SHLD2: variants seen among roughly 807,000 people sequenced by gnomAD.
SHLD2 encodes RINN1-REV7-interacting novel NHEJ regulator 2.
A neutral mutation model predicts 73.2 loss-of-function variants in SHLD2; 30 were observed. The ratio of observed to expected loss-of-function variants is 0.41; its 90% CI spans 0.31 to 0.56. The LOEUF is 0.56. Among genes scored for constraint, SHLD2 ranks in the 20% least tolerant of loss-of-function variants. The pLI, the probability that SHLD2 is intolerant of heterozygous loss-of-function variation, is 0.28. For synonymous variants in SHLD2, 285 were observed against 370.1 expected (o/e 0.77, Z 2.64); for missense variants, 745 against 1,055.9 (o/e 0.71, Z 4.08).
At chr10:87,113,500 G>A (rs777053347) in intron 2 of SHLD2, among the ~76,000 whole-genome samples, 15 of 152,168 alleles carry the variant, frequency 9.9e-5, no homozygotes, top group Non-Finnish European at 1.9e-4. Context: ...TATATGAAAT[G>A]TTTAGAACAG....
Position 87,152,692 on chromosome 10 carries a change from C to T in SHLD2, c.1338C>T (p.Val446=). The change falls in exon 3 of 10, where the codon GTC becomes GTT. Residue 446 remains valine, a synonymous_variant. Transcript: ENST00000298786. ...DSKSQKYNCL[V]MVLSPCHVKE... The stretch of plus-strand genomic sequence containing the variant: ...AAAGCCAGAAGTATAATTGTTTAGT[C>T]ATGGTGCTATCTCCATGCCATGTGA... The T allele has an allele frequency of 6.2e-7, 1 of 1,611,068 alleles. No individual in the cohort carries two copies. Among genetic ancestry groups the T allele is most frequent in the African/African-American group, 1.3e-5 (1 of 74,848 alleles).
At chr10:87,111,217 A>G (rs901859766) in intron 2 of SHLD2, among the ~76,000 whole-genome samples, 2 of 152,108 alleles carry the variant, frequency 1.3e-5, no homozygotes, top group African/African-American at 4.8e-5. Flanking sequence ...GCTGGAGTAC[A>G]GTGGCGCCAT....
intron 2 of SHLD2, among the ~76,000 whole-genome samples, chr10:87,137,552 G>C (rs1478218412): frequency 1.3e-5 from 2 of 152,056 alleles, no homozygotes; most frequent in African/African-American, 4.8e-5. Flanking sequence ...GTAGAAAAGA[G>C]ATTTTAGATC....
intron 2 of SHLD2, among the ~76,000 whole-genome samples, chr10:87,107,275 G>A (rs1020214021): frequency 2.0e-5 from 3 of 152,070 alleles, no homozygotes; most frequent in Admixed American, 6.6e-5. Flanking sequence ...TTAGCTGGGC[G>A]TGGTAGTGCG....
At chr10:87,139,623 G>A (rs1257532786) in intron 2 of SHLD2, among the ~76,000 whole-genome samples, 1 of 152,204 alleles carries the variant, frequency 6.6e-6, no homozygotes, top group African/African-American at 2.4e-5. Flanking sequence ...ACTTGAGGGT[G>A]GGCAGATCAT....
chr10:87,094,646 G>A, upstream of SHLD2: 4 of 1,603,420 alleles, frequency 2.5e-6, no homozygotes, highest in Non-Finnish European at 2.6e-6. The surrounding 1 kb of genome is among the most constrained non-coding windows in gnomAD (Gnocchi z 6.6). Flanking sequence ...AGCCCCGGCT[G>A]CGGGGCGGCG....
At chr10:87,182,229 T>G (rs1848359101) in intron 8 of SHLD2, among the ~76,000 whole-genome samples, 2 of 152,246 alleles carry the variant, frequency 1.3e-5, no homozygotes. Context: ...CATTGATTAT[T>G]TTTCTAAGAC....
chr10:87,174,702 C>T (rs1164723044), intron 6 of SHLD2, among the ~76,000 whole-genome samples: 1 of 152,050 alleles, frequency 6.6e-6, no homozygotes, highest in Admixed American at 6.6e-5. Flanking sequence ...AAGAAACCCT[C>T]TTTTGTTTTA....
chr10:87,127,736 C>T (rs1273517021), intron 2 of SHLD2, among the ~76,000 whole-genome samples: 14 of 151,110 alleles, frequency 9.3e-5, no homozygotes, highest in African/African-American at 2.7e-4. Context: ...TGACAGCCAG[C>T]GTTGCTATAA....
chr10:87,095,683 C>G (rs1365250483), intron 1 of SHLD2, among the ~76,000 whole-genome samples: 1 of 152,264 alleles, frequency 6.6e-6, no homozygotes, highest in Non-Finnish European at 1.5e-5. Context: ...CTTTTATTGT[C>G]CCGTTCAACT....
At chr10:87,096,861 G>A (rs1346922842) in intron 1 of SHLD2, 73 bp from the exon 2 acceptor site, 4 of 152,134 alleles carry the variant, frequency 2.6e-5, no homozygotes. Context: ...TTTTCATACA[G>A]GTGGAACTTA....
chr10:87,115,736 C>G (rs1380970955), intron 2 of SHLD2, among the ~76,000 whole-genome samples: 2 of 152,100 alleles, frequency 1.3e-5, no homozygotes, highest in Non-Finnish European at 2.9e-5. Context: ...GAATTCTAAG[C>G]TAGTGATAAA....
chr10:87,107,276 T>C (rs144020409), intron 2 of SHLD2, among the ~76,000 whole-genome samples: 96 of 152,070 alleles, frequency 6.3e-4, no homozygotes, highest in African/African-American at 2.2e-3. Context: ...TAGCTGGGCG[T>C]GGTAGTGCGC....
rs532413851 is a variant in SHLD2, at chr10:87,144,819, G to C, written c.-5-6531G>C. ...TTTTTTGTATTTTTAGTAGAGACGG[G>C]GTTTCACCATGTTAGCCAGGATGGT... On this transcript the variant is annotated intron_variant, in intron 2 of 9. Coordinates refer to ENST00000298786, the MANE Select transcript of SHLD2 (RefSeq NM_001330112.2). Among the ~76,000 whole-genome samples, 3 of 150,778 alleles carry C rather than the reference G, an allele frequency of 2.0e-5. No homozygotes were observed. The East Asian group carries it at 5.9e-4, about 29-fold the overall frequency.
rs1191299906 is a variant in SHLD2, at chr10:87,173,060, CAG to C, written c.1963+2089_1963+2090del. On this transcript the variant is annotated intron_variant, in intron 6 of 9. Transcript: ENST00000298786. Reference sequence around the variant, plus strand: ...GCACTTTTTTTTTTTTTTTTTGAGACAGAGTTTCATTCTTGTCACCCAGGCTG... The same window carrying C: ...GCACTTTTTTTTTTTTTTTTTGAGACAGTTTCATTCTTGTCACCCAGGCTG... Among the ~76,000 whole-genome samples the C allele has an allele frequency of 6.4e-5, 9 of 140,742 alleles. No individual in the cohort carries two copies. The South Asian group carries it at 1.1e-3, about 17-fold the overall frequency. The allele number at this position is 140,742 out of a possible 152,430, so 92.3% of individuals were successfully genotyped here. A position where few individuals can be genotyped will look rare whatever the true frequency, so the allele number is the denominator to read the frequency against.
chr10:87,138,941 G>A (rs1486085456), intron 2 of SHLD2, among the ~76,000 whole-genome samples: 1 of 152,166 alleles, frequency 6.6e-6, no homozygotes, highest in Non-Finnish European at 1.5e-5. Flanking sequence ...TAGAGCCCAG[G>A]AGAGTTTGGA....
intron 6 of SHLD2, among the ~76,000 whole-genome samples, chr10:87,171,774 T>C (rs1217590359): frequency 6.6e-6 from 1 of 152,210 alleles, no homozygotes; most frequent in African/African-American, 2.4e-5. Flanking sequence ...TCTTAATCAT[T>C]AATAGCTATG....
chr10:87,186,166 A>G (rs1589677682), intron 8 of SHLD2, among the ~76,000 whole-genome samples: 1 of 152,292 alleles, frequency 6.6e-6, no homozygotes, highest in South Asian at 2.1e-4. Context: ...GGCTGAGGAA[A>G]GAGTGTAGAG....
intron 4 of SHLD2, among the ~76,000 whole-genome samples, chr10:87,161,528 A>G (rs982212262): frequency 2.0e-5 from 3 of 152,312 alleles, no homozygotes; most frequent in African/African-American, 4.8e-5. Context: ...CTCATTTACT[A>G]TAGTAATAAA....
Sources: allele counts gnomAD v4.1 joint callset (sites outside exome capture counted in the v4.1 genomes callset), GRCh38; gene constraint gnomAD v4.1.1; non-coding constraint Gnocchi (gnomAD v3.1); transcripts MANE v1.5; gene names NCBI Gene and HGNC (gene_info 2026-07-23, HGNC 2026-07-21).